The following ANKRD42 variants were observed in gnomAD, a reference collection of about 807,000 sequenced individuals.
The protein encoded by ANKRD42 is ankyrin repeat domain 42, also known as ankyrin repeat domain-containing protein 42.
Under a neutral mutation model 51.5 loss-of-function variants are expected in ANKRD42, and 43 were observed. That is an observed-to-expected ratio of 0.83 (90% CI 0.65 to 1.08). ANKRD42 has a LOEUF of 1.08. Among genes scored for constraint, ANKRD42 ranks in the 50% least tolerant of loss-of-function variants. ANKRD42 has a pLI of 0.00. For synonymous variants in ANKRD42, 203 were observed against 213.0 expected (o/e 0.95, Z 0.41); for missense variants, 608 against 629.3 (o/e 0.97, Z 0.36).
At chr11:83,255,205 C>A (rs578243828) in intron 11 of ANKRD42, among the ~76,000 whole-genome samples, 6 of 152,182 alleles carry the variant, frequency 3.9e-5, no homozygotes, top group Admixed American at 1.3e-4. Context: ...AAGAATTACT[C>A]AAAGATGATT....
At chr11:83,213,122 G>A (rs1233476280) in intron 5 of ANKRD42, 1 of 1,601,812 alleles carries the variant, frequency 6.2e-7, no homozygotes, top group Non-Finnish European at 8.5e-7. Context: ...GAAACCCAGA[G>A]GTATTGACAA....
At chr11:83,221,698 AT>A (rs1342800773) in intron 5 of ANKRD42, among the ~76,000 whole-genome samples, 1 of 152,150 alleles carries the variant, frequency 6.6e-6, no homozygotes, top group Non-Finnish European at 1.5e-5. Flanking sequence ...CCTAAATGGG[AT>A]ATTTCAGCAG....
chr11:83,208,125 G>A (rs991828976), intron 3 of ANKRD42, among the ~76,000 whole-genome samples: 3 of 152,232 alleles, frequency 2.0e-5, no homozygotes, highest in South Asian at 2.1e-4. Context: ...CTGGGCCCAA[G>A]TGATCCTCCC....
chr11:83,248,449 T>G lies in ANKRD42; in HGVS notation c.*245T>G. 1 of 1,172,614 alleles carries G rather than the reference T, an allele frequency of 8.5e-7. No individual in the cohort carries two copies. The highest frequency in any genetic ancestry group is 1.1e-6 in the Non-Finnish European group (1 of 951,988). 72.6% of individuals were successfully genotyped at this position (1,172,614 alleles called of 1,614,324 possible). On this transcript the variant is annotated 3_prime_UTR_variant, in exon 11 of 11. Transcript: ENST00000533342. ...AACATTGTACCATAGAAGGAGAAAA[T>G]GTTTTCATAAGTAATCAATCAGAAT...
chr11:83,210,483 C>T, intron 4 of ANKRD42, 64 bp downstream of exon 4: 1 of 1,560,290 alleles, frequency 6.4e-7, no homozygotes, highest in Non-Finnish European at 8.7e-7. Flanking sequence ...ATTTGGTAGT[C>T]TAGTTATCTC....
intron 5 of ANKRD42, chr11:83,213,257 C>G (rs1225032618): frequency 6.3e-7 from 1 of 1,597,522 alleles, no homozygotes; most frequent in African/African-American, 1.3e-5. Flanking sequence ...CATCAAGGAG[C>G]TGGAAGTGCT....
intron 6 of ANKRD42, among the ~76,000 whole-genome samples, chr11:83,225,776 A>G (rs11233530): frequency 0.057 from 5,664 of 99,732 alleles, 175 homozygotes; most frequent in South Asian, 0.2. Context: ...GCGAAACTCC[A>G]TCCTGGAAAA....
downstream of ANKRD42, chr11:83,260,043 G>A (rs1257239811): frequency 6.6e-6 from 1 of 152,256 alleles, no homozygotes; most frequent in Non-Finnish European, 1.5e-5. Flanking sequence ...ATTGCACCTT[G>A]TTTCTCCTTC....
intron 10 of ANKRD42, among the ~76,000 whole-genome samples, chr11:83,245,976 C>T (rs1246553154): frequency 6.6e-6 from 1 of 152,172 alleles, no homozygotes; most frequent in Admixed American, 6.5e-5. Flanking sequence ...AAATCTGAGA[C>T]TAGGTCTTGT....
chr11:83,216,639 A>G (rs909471450), intron 5 of ANKRD42, among the ~76,000 whole-genome samples: 2 of 152,060 alleles, frequency 1.3e-5, no homozygotes, highest in African/African-American at 4.8e-5. Context: ...ACCATTTCTT[A>G]TAAGATGGTT....
chr11:83,221,137 A>G (rs1862707040), intron 5 of ANKRD42, among the ~76,000 whole-genome samples: 1 of 151,280 alleles, frequency 6.6e-6, no homozygotes, highest in South Asian at 2.1e-4. Flanking sequence ...GAGCTCACTG[A>G]TTCTTTCCTC....
At chr11:83,242,571 T>TTTTTTTGTTTG (rs1032437030) in intron 9 of ANKRD42, among the ~76,000 whole-genome samples, 2 of 143,470 alleles carry the variant, frequency 1.4e-5, no homozygotes, top group East Asian at 2.0e-4. Context: ...AGTTAAGTTT[T>TTTTTTTGTTTG]TTTTTTTTTT....
downstream of ANKRD42, chr11:83,259,742 G>A (rs537294562): frequency 6.6e-6 from 1 of 152,098 alleles, no homozygotes; most frequent in South Asian, 2.1e-4. Flanking sequence ...GTACACTTTA[G>A]CCTTGATGAA....
chr11:83,236,924 A>G (rs773400853), intron 8 of ANKRD42, among the ~76,000 whole-genome samples: 2 of 152,242 alleles, frequency 1.3e-5, no homozygotes, highest in Non-Finnish European at 2.9e-5. Flanking sequence ...GTCAACATTA[A>G]TAATAGAAAA....
chr11:83,195,601 G>A (rs1861615808), intron 1 of ANKRD42, among the ~76,000 whole-genome samples: 1 of 152,098 alleles, frequency 6.6e-6, no homozygotes, highest in Admixed American at 6.6e-5. Context: ...CTGTCCTTCA[G>A]TGTTTGCTGT....
At chr11:83,235,748 T>C (rs902533701) in intron 7 of ANKRD42, among the ~76,000 whole-genome samples, 3 of 152,200 alleles carry the variant, frequency 2.0e-5, no homozygotes, top group African/African-American at 4.8e-5. Context: ...AATGAGCACA[T>C]TGTTGAGTGA....
At chr11:83,211,161 C>A in intron 4 of ANKRD42, 134 bp from the exon 5 acceptor site, 2 of 1,127,908 alleles carry the variant, frequency 1.8e-6, no homozygotes, top group South Asian at 1.3e-5. Flanking sequence ...GGTTGCAGTA[C>A]ATTTTTCTAT....
intron 5 of ANKRD42, among the ~76,000 whole-genome samples, chr11:83,220,404 C>T (rs1862682938): frequency 6.6e-6 from 1 of 152,142 alleles, no homozygotes; most frequent in Admixed American, 6.5e-5. Context: ...CGATTGTATT[C>T]ACCACGTGAC....
chr11:83,196,451 C>T (rs1244432849), intron 1 of ANKRD42, among the ~76,000 whole-genome samples: 1 of 151,020 alleles, frequency 6.6e-6, no homozygotes, highest in Non-Finnish European at 1.5e-5. Context: ...CCATGTCCTA[C>T]TGTTCATGCT....
Sources: gnomAD v4.1 joint callset for allele counts (sites outside exome capture counted in the v4.1 genomes callset) on GRCh38, gnomAD v4.1.1 for gene constraint, MANE v1.5 for transcripts, NCBI Gene and HGNC (gene_info 2026-07-23, HGNC 2026-07-21) for gene names.